KCTD16: variants seen among roughly 807,000 people sequenced by gnomAD.
KCTD16 encodes potassium channel tetramerization domain containing 16, also known as BTB/POZ domain-containing protein KCTD16.
KCTD16 carries 13 observed loss-of-function variants against 33.2 expected under a neutral mutation model. The observed-to-expected ratio is 0.39, with a 90% CI of 0.25 to 0.62. KCTD16 has a LOEUF of 0.62. KCTD16 is among the 20% of genes least tolerant of loss of function. The pLI, the probability that KCTD16 is intolerant of heterozygous loss-of-function variation, is 0.50. For missense variants in KCTD16, 441 were observed against 525.1 expected (o/e 0.84, Z 1.57); for synonymous variants, 197 against 195.3 (o/e 1.01, Z -0.07).
intron 3 of KCTD16, among the ~76,000 whole-genome samples, chr5:144,459,013 A>G (rs1053488381): frequency 4.6e-5 from 7 of 152,226 alleles, no homozygotes; most frequent in African/African-American, 1.7e-4. Flanking sequence ...CTAGTTTGCA[A>G]TGTCAATCAA....
At chr5:144,291,886 G>T (rs555725666) in intron 3 of KCTD16, among the ~76,000 whole-genome samples, 11 of 152,188 alleles carry the variant, frequency 7.2e-5, no homozygotes, top group Non-Finnish European at 1.3e-4. Flanking sequence ...AAATATTTGC[G>T]CATCATGTCA....
In KCTD16 at chr5:144,485,216, A is replaced by G. The variant is rs1057077501; in HGVS notation, c.*11102A>G. ...GAAAATGCTACTACTAATTGTCCCAATGGAATTGCACATCATTTTGGCAAT... is the reference window on the plus strand; with the variant it reads ...GAAAATGCTACTACTAATTGTCCCAGTGGAATTGCACATCATTTTGGCAAT... On this transcript the variant is annotated 3_prime_UTR_variant, in exon 4 of 4. Transcript: ENST00000512467. 6 of 151,896 alleles carry G rather than the reference A, an allele frequency of 4.0e-5. No homozygotes were observed. Among genetic ancestry groups the G allele is most frequent in the African/African-American group, 1.4e-4 (6 of 41,402 alleles). The allele number at this position is 151,896 out of a possible 1,614,324, so 9.4% of individuals were successfully genotyped here. A position where few individuals can be genotyped will look rare whatever the true frequency, so the allele number is the denominator to read the frequency against.
At chr5:144,278,678 T>C (rs1384687677) in intron 3 of KCTD16, among the ~76,000 whole-genome samples, 1 of 151,668 alleles carries the variant, frequency 6.6e-6, no homozygotes, top group Non-Finnish European at 1.5e-5. Context: ...TTTGTATTTT[T>C]AGTAGAGACG....
At chr5:144,388,125 A>T (rs1357153089) in intron 3 of KCTD16, among the ~76,000 whole-genome samples, 3 of 119,964 alleles carry the variant, frequency 2.5e-5, no homozygotes, top group South Asian at 5.3e-4. Flanking sequence ...TTGCCCAGAG[A>T]CTGGAGTGCA....
chr5:144,340,198 A>G (rs947734698), intron 3 of KCTD16, among the ~76,000 whole-genome samples: 2 of 151,702 alleles, frequency 1.3e-5, no homozygotes, highest in African/African-American at 4.8e-5. Context: ...GTGGATCACG[A>G]GGTCAGGAGA....
At chr5:144,378,180 G>T (rs938748806) in intron 3 of KCTD16, among the ~76,000 whole-genome samples, 3 of 152,126 alleles carry the variant, frequency 2.0e-5, no homozygotes, top group African/African-American at 7.2e-5. Flanking sequence ...CCAGGGAAAG[G>T]AAGACTACTA....
chr5:144,185,637 T>G (rs547218227), intron 2 of KCTD16, among the ~76,000 whole-genome samples: 4 of 151,786 alleles, frequency 2.6e-5, no homozygotes, highest in African/African-American at 9.7e-5. Context: ...AAACCTGGAG[T>G]AGGGGAGGGA....
At chr5:144,310,309 A>C (rs921573441) in intron 3 of KCTD16, among the ~76,000 whole-genome samples, 1 of 152,128 alleles carries the variant, frequency 6.6e-6, no homozygotes, top group African/African-American at 2.4e-5. Flanking sequence ...TGTTGATGGC[A>C]CTTATGTTTA....
At chr5:144,372,244 A>G (rs1484611209) in intron 3 of KCTD16, among the ~76,000 whole-genome samples, 1 of 151,344 alleles carries the variant, frequency 6.6e-6, no homozygotes, top group Non-Finnish European at 1.5e-5. Context: ...TAACAGTGGT[A>G]CCCATCTTAT....
chr5:144,278,987 T>TGA (rs1755528342), intron 3 of KCTD16, among the ~76,000 whole-genome samples: 1 of 152,260 alleles, frequency 6.6e-6, no homozygotes, highest in South Asian at 2.1e-4. Context: ...TTAGTTTCTT[T>TGA]CATCAGTGTT....
intron 3 of KCTD16, among the ~76,000 whole-genome samples, chr5:144,393,108 A>G (rs947117600): frequency 2.0e-5 from 3 of 152,210 alleles, no homozygotes; most frequent in African/African-American, 7.2e-5. Context: ...TTAACCATTT[A>G]TAGCCCTTTT....
At chr5:144,253,088 G>T (rs1754746743) in intron 3 of KCTD16, among the ~76,000 whole-genome samples, 1 of 151,838 alleles carries the variant, frequency 6.6e-6, no homozygotes, top group African/African-American at 2.4e-5. Flanking sequence ...TATGGAAAGG[G>T]ATCACCAACT....
intron 3 of KCTD16, among the ~76,000 whole-genome samples, chr5:144,335,731 C>G (rs775860785): frequency 2.0e-5 from 3 of 152,022 alleles, no homozygotes; most frequent in African/African-American, 7.2e-5. Flanking sequence ...GAAACAGAAA[C>G]AGAAAAGGCT....
intron 2 of KCTD16, 139 bp downstream of exon 2, chr5:144,174,611 T>C (rs1752463798): frequency 6.6e-6 from 1 of 152,232 alleles, no homozygotes; most frequent in Admixed American, 6.5e-5. Context: ...CTGTACTAGG[T>C]TATTCAAATT....
intron 3 of KCTD16, among the ~76,000 whole-genome samples, chr5:144,459,134 T>C (rs1754137606): frequency 6.6e-6 from 1 of 152,152 alleles, no homozygotes; most frequent in Admixed American, 6.5e-5. Context: ...AAAGTAATCT[T>C]TGTTGAAGAC....
At chr5:144,184,016 A>T (rs1236906226) in intron 2 of KCTD16, among the ~76,000 whole-genome samples, 1 of 152,210 alleles carries the variant, frequency 6.6e-6, no homozygotes, top group Non-Finnish European at 1.5e-5. Context: ...TTCATTCAAT[A>T]TTAGTACCAG....
intron 3 of KCTD16, among the ~76,000 whole-genome samples, chr5:144,469,059 T>C (rs1561619691): frequency 1.3e-5 from 2 of 152,230 alleles, no homozygotes; most frequent in Non-Finnish European, 2.9e-5. Context: ...AGTTGTAAAA[T>C]GCTTGAAGAT....
chr5:144,423,243 A>C (rs945134107), intron 3 of KCTD16, among the ~76,000 whole-genome samples: 4 of 152,160 alleles, frequency 2.6e-5, no homozygotes, highest in African/African-American at 9.7e-5. Context: ...ATAAGATTAC[A>C]TGGGCTCCAG....
At chr5:144,272,619 C>G (rs1409454973) in intron 3 of KCTD16, among the ~76,000 whole-genome samples, 1 of 152,080 alleles carries the variant, frequency 6.6e-6, no homozygotes, top group Non-Finnish European at 1.5e-5. Context: ...TAAAGACAAA[C>G]ATATAGACCC....
Sources: gnomAD v4.1 joint callset for allele counts (sites outside exome capture counted in the v4.1 genomes callset) on GRCh38, gnomAD v4.1.1 for gene constraint, MANE v1.5 for transcripts, NCBI Gene and HGNC (gene_info 2026-07-23, HGNC 2026-07-21) for gene names.